Variants in LUC7L3 observed in about 807,000 individuals in gnomAD.
LUC7L3 encodes luc7-like protein 3.
In LUC7L3, 6 loss-of-function variants were observed where a neutral mutation model predicts 66.8. The ratio of observed to expected loss-of-function variants is 0.09; its 90% CI spans 0.05 to 0.18. The LOEUF is 0.18. LUC7L3 is among the 10% of genes least tolerant of loss of function. The probability of loss-of-function intolerance (pLI) is 1.00; values close to 1 mark genes in which losing one functional copy is unlikely to be tolerated. For missense variants in LUC7L3, 341 were observed against 531.1 expected (o/e 0.64, Z 3.52); for synonymous variants, 160 against 174.7 (o/e 0.92, Z 0.66).
intron 2 of LUC7L3, among the ~76,000 whole-genome samples, chr17:50,739,560 A>G (rs1970211340): frequency 1.3e-5 from 2 of 152,176 alleles, no homozygotes; most frequent in East Asian, 1.9e-4. Flanking sequence ...AGGTTGAGGC[A>G]GGAGAATCCC....
At chr17:50,738,209 C>A in intron 2 of LUC7L3, 1 of 437,000 alleles carries the variant, frequency 2.3e-6, no homozygotes, top group Admixed American at 2.7e-5. Context: ...GGTACTGACC[C>A]TTGGGGAATC....
intron 1 of LUC7L3, among the ~76,000 whole-genome samples, chr17:50,728,196 T>G (rs879779444): frequency 9.9e-5 from 15 of 152,120 alleles, no homozygotes; most frequent in East Asian, 5.8e-4. Flanking sequence ...TGAAGGCTTC[T>G]AAGCAGAAGA....
chr17:50,728,947 T>TA (rs1169905835), intron 1 of LUC7L3, among the ~76,000 whole-genome samples: 7 of 152,190 alleles, frequency 4.6e-5, no homozygotes, highest in Non-Finnish European at 1.0e-4. Context: ...ATTCCAGTAA[T>TA]ATGTCCTGTT....
chr17:50,726,828 G>C (rs1002426665), intron 1 of LUC7L3, among the ~76,000 whole-genome samples: 2 of 151,954 alleles, frequency 1.3e-5, no homozygotes, highest in East Asian at 3.9e-4. Context: ...GGTGGCTTAC[G>C]TCTTTAATCC....
At chr17:50,750,445 A>C in intron 9 of LUC7L3, 56 bp from the exon 10 acceptor site, 1 of 1,504,640 alleles carries the variant, frequency 6.6e-7, no homozygotes. Flanking sequence ...TTTCAAAATC[A>C]TGTCTTTATT....
intron 9 of LUC7L3, chr17:50,749,098 C>T (rs1178892994): frequency 9.3e-6 from 5 of 539,738 alleles, no homozygotes; most frequent in Non-Finnish European, 1.4e-5. Context: ...ACAAAGCTGT[C>T]AGCAACCAGT....
rs561327682 is a variant in LUC7L3 at position 50,719,635 on chromosome 17, C to G, written c.-98C>G. ...CGGCTCCTGTGTGTAGGAGGGATTT[C>G]GGCCTGAGAGCGGGCCGAGGAGATT... On this transcript the variant is annotated 5_prime_UTR_variant, in exon 1 of 10. Transcript: ENST00000505658. 2 of 1,006,432 alleles carry G rather than the reference C, an allele frequency of 2.0e-6. No homozygotes were observed. The highest frequency in any genetic ancestry group is 1.6e-5 in the African/African-American group (1 of 62,002). 62.3% of individuals were successfully genotyped at this position (1,006,432 alleles called of 1,614,324 possible). A position where few individuals can be genotyped will look rare whatever the true frequency, so the allele number is the denominator to read the frequency against.
chr17:50,733,636 C>T (rs1282863383), intron 1 of LUC7L3, among the ~76,000 whole-genome samples: 4 of 152,016 alleles, frequency 2.6e-5, no homozygotes, highest in African/African-American at 4.8e-5. Flanking sequence ...CTCCTGACCT[C>T]GTGATCCGCA....
In LUC7L3 at chr17:50,744,537, G is replaced by A. The variant is rs949398247; in HGVS notation, c.532-115G>A. On this transcript the variant is annotated intron_variant, in intron 6 of 9. Transcript: ENST00000505658. ...TGTAGTCCAATATTACTGATTTGGG[G>A]AAATGGAAAAGAGCAATTCACACAC... 3.9e-5 allele frequency: 37 copies of A among 953,446 alleles called. No homozygotes were observed. In the South Asian group the frequency reaches 6.4e-4, roughly 16 times the overall value. 59.1% of individuals were successfully genotyped at this position (953,446 alleles called of 1,614,324 possible).
chr17:50,734,964 G>A (rs550903700), intron 1 of LUC7L3, among the ~76,000 whole-genome samples: 1 of 152,092 alleles, frequency 6.6e-6, no homozygotes, highest in Admixed American at 6.5e-5. Flanking sequence ...TCTGAGCGCG[G>A]TGAGGCCTGT....
chr17:50,730,513 C>CAAAAAA (rs3063109), intron 1 of LUC7L3, among the ~76,000 whole-genome samples: 38 of 59,090 alleles, frequency 6.4e-4, no homozygotes, highest in African/African-American at 2.1e-3. Flanking sequence ...ACTCTGTCTC[C>CAAAAAA]AAAAAAAAAA....
rs1372115217 is a variant in LUC7L3 at position 50,719,795 on chromosome 17, C to G, written c.63C>G (p.Asp21Glu). 1 of 1,612,250 alleles carries G rather than the reference C, an allele frequency of 6.2e-7. No individual in the cohort carries two copies. Among genetic ancestry groups the G allele is most frequent in the East Asian group, 2.2e-5 (1 of 44,810 alleles). ...LMGRDRNLAP[D>E]EKRSNVRWDH... ...GCCGGGACCGAAACCTAGCCCCGGA[C>G]GAGAAGCGCAGCAACGTGCGGTGGG... The change falls in exon 1 of 10, where the codon GAC becomes GAG. Residue 21 changes from aspartate to glutamate, a missense_variant. By Grantham distance (45) the Asp-to-Glu change is conservative (BLOSUM62 2). This residue lies in a region of LUC7L3 where 9 missense variants were observed against 37.9 expected (regional missense o/e 0.24). Transcript: ENST00000505658.
In LUC7L3 at chr17:50,751,919, T is replaced by C. The variant is rs528595523; in HGVS notation, c.*1258T>C. 3.0e-4 allele frequency: 307 copies of C among 1,030,490 alleles called. No homozygotes were observed. The highest frequency in any genetic ancestry group is 8.7e-4 in the Admixed American group (16 of 18,370). 63.8% of individuals were successfully genotyped at this position (1,030,490 alleles called of 1,614,324 possible). A position where few individuals can be genotyped will look rare whatever the true frequency, so the allele number is the denominator to read the frequency against. ...TGGGCTAGTGGTGTGGGACAAAATA[T>C]TCCTAATGAAAGGAAGTACCAATTA... On this transcript the variant is annotated 3_prime_UTR_variant, in exon 10 of 10. Coordinates refer to ENST00000505658, the MANE Select transcript of LUC7L3 (RefSeq NM_016424.5).
intron 1 of LUC7L3, among the ~76,000 whole-genome samples, chr17:50,735,191 T>C (rs1026238077): frequency 3.3e-5 from 5 of 150,030 alleles, no homozygotes; most frequent in Non-Finnish European, 5.9e-5. Flanking sequence ...GATCATACCA[T>C]TGCACTCCAG....
At chr17:50,728,275 A>T (rs12601184) in intron 1 of LUC7L3, among the ~76,000 whole-genome samples, 11,658 of 152,280 alleles carry the variant, frequency 0.077, 443 homozygotes, top group Non-Finnish European at 0.082. Flanking sequence ...GTAGGCAATA[A>T]ATAGTGAATC....
intron 1 of LUC7L3, 39 bp downstream of exon 1, chr17:50,719,870 G>T (rs748723087): frequency 2.0e-5 from 31 of 1,564,514 alleles, no homozygotes; most frequent in Non-Finnish European, 2.7e-5. Context: ...CGGGCTCCGT[G>T]GGGGAGGGGA....
intron 7 of LUC7L3, among the ~76,000 whole-genome samples, chr17:50,745,355 A>C (rs1335581164): frequency 6.6e-6 from 1 of 152,236 alleles, no homozygotes; most frequent in Non-Finnish European, 1.5e-5. Context: ...TTTAGCTATC[A>C]GTAGCTATAG....
rs1420505253 is a variant in LUC7L3 at position 50,753,110 on chromosome 17, T to TC, written c.*2455dup. On this transcript the variant is annotated 3_prime_UTR_variant, in exon 10 of 10. Coordinates refer to ENST00000505658, the MANE Select transcript of LUC7L3 (RefSeq NM_016424.5). ...TGTAGTATATATGGCAAGGGTTTTT[T>TC]CCCCCCACTTAAGTGATTATTTTTG... is the stretch of plus-strand genomic sequence containing the variant. The TC allele has an allele frequency of 1.3e-5, 2 of 152,048 alleles. No homozygotes were observed. Among genetic ancestry groups the TC allele is most frequent in the Admixed American group, 6.6e-5 (1 of 15,256 alleles). 9.4% of individuals were successfully genotyped at this position (152,048 alleles called of 1,614,324 possible). A position where few individuals can be genotyped will look rare whatever the true frequency, so the allele number is the denominator to read the frequency against.
At chr17:50,719,907 C>CCACAT in intron 1 of LUC7L3, 76 bp downstream of exon 1, 2 of 1,405,282 alleles carry the variant, frequency 1.4e-6, no homozygotes, top group Non-Finnish European at 1.9e-6. Context: ...GCCCTCCTGG[C>CCACAT]CGCGGCGCGA....
Sources: allele counts gnomAD v4.1 joint callset (sites outside exome capture counted in the v4.1 genomes callset), GRCh38; gene constraint gnomAD v4.1.1; regional missense constraint gnomAD v4.1.1; transcripts MANE v1.5; gene names NCBI Gene and HGNC (gene_info 2026-07-23, HGNC 2026-07-21).